Variants in NRG1 observed in about 807,000 individuals in gnomAD.
The protein encoded by NRG1 is neuregulin 1, also known as pro-neuregulin-1, membrane-bound isoform.
NRG1 carries 18 observed loss-of-function variants against 63.8 expected under a neutral mutation model. That is an observed-to-expected ratio of 0.28 (90% CI 0.19 to 0.42). The LOEUF (loss-of-function observed/expected upper bound fraction) is 0.42. Among genes scored for constraint, NRG1 ranks in the 10% least tolerant of loss-of-function variants. The pLI, the probability that NRG1 is intolerant of heterozygous loss-of-function variation, is 1.00. For missense variants in NRG1, 762 were observed against 814.7 expected (o/e 0.94, Z 0.79); for synonymous variants, 302 against 301.3 (o/e 1.00, Z -0.02).
intron 1 of NRG1, among the ~76,000 whole-genome samples, chr8:32,334,834 A>C (rs1288073411): frequency 6.6e-6 from 1 of 152,236 alleles, no homozygotes; most frequent in Non-Finnish European, 1.5e-5. Context: ...GGCAAATGTT[A>C]TGAATAACAA....
intron 5 of NRG1, among the ~76,000 whole-genome samples, chr8:32,634,118 A>AAAAAAAAAAAAAAAAAAAAAAATT: frequency 1.3e-4 from 19 of 150,070 alleles, no homozygotes; most frequent in African/African-American, 4.2e-4. Context: ...AAAAAAAAAA[A>AAAAAAAAAAAAAAAAAAAAAAATT]GGTTGCATAA....
intron 1 of NRG1, among the ~76,000 whole-genome samples, chr8:32,040,750 C>CATATATATATATATAT (rs71208164): frequency 0.13 from 6,260 of 48,538 alleles, 813 homozygotes; most frequent in East Asian, 0.46. Flanking sequence ...AATTTAGGCG[C>CATATATATATATATAT]ATATATATAT....
intron 1 of NRG1, among the ~76,000 whole-genome samples, chr8:32,500,424 G>A (rs544906846): frequency 1.3e-5 from 2 of 152,254 alleles, no homozygotes; most frequent in African/African-American, 2.4e-5. Flanking sequence ...AACCAGATAC[G>A]AGTCTTACTT....
intron 1 of NRG1, among the ~76,000 whole-genome samples, chr8:32,198,475 G>T (rs1158760439): frequency 6.6e-6 from 1 of 152,186 alleles, no homozygotes; most frequent in East Asian, 1.9e-4. Context: ...ACCATGCCTG[G>T]CCCAAGGGCA....
At chr8:32,088,848 T>C (rs1169432108) in intron 1 of NRG1, among the ~76,000 whole-genome samples, 2 of 152,038 alleles carry the variant, frequency 1.3e-5, no homozygotes, top group African/African-American at 4.8e-5. Flanking sequence ...CTCAGTCCTC[T>C]ATGTTAGAAA....
At chr8:32,132,954 C>A (rs1467420155) in intron 1 of NRG1, among the ~76,000 whole-genome samples, 2 of 151,684 alleles carry the variant, frequency 1.3e-5, no homozygotes, top group Non-Finnish European at 2.9e-5. Flanking sequence ...GGCCAGTCTT[C>A]CTTCCTTCCT....
At chr8:32,623,972 GAGATATAGATAT>G (rs199801213) in intron 5 of NRG1, among the ~76,000 whole-genome samples, 3 of 152,044 alleles carry the variant, frequency 2.0e-5, no homozygotes, top group African/African-American at 7.2e-5. Context: ...GTATGTGTAT[GAGATATAGATAT>G]AGATATAGAT....
intron 1 of NRG1, among the ~76,000 whole-genome samples, chr8:31,698,169 A>C (rs891521263): frequency 2.0e-5 from 3 of 152,012 alleles, no homozygotes; most frequent in Admixed American, 6.6e-5. Flanking sequence ...GAAAGGTATA[A>C]TATGCTTATA....
At chr8:31,966,228 A>G (rs778002451) in intron 1 of NRG1, among the ~76,000 whole-genome samples, 15 of 76,272 alleles carry the variant, frequency 2.0e-4, no homozygotes, top group Non-Finnish European at 3.3e-4. Flanking sequence ...CTTATGGTCA[A>G]TCTTGTGTTT....
rs907097722 is a variant in NRG1 at position 32,616,992 on chromosome 8, T to C, written c.502+107T>C. 7 of 845,356 alleles carry C rather than the reference T, an allele frequency of 8.3e-6. No individual in the cohort carries two copies. The African/African-American group carries it at 1.2e-4, about 14-fold the overall frequency. The allele number at this position is 845,356 out of a possible 1,614,324, so 52.4% of individuals were successfully genotyped here. A position where few individuals can be genotyped will look rare whatever the true frequency, so the allele number is the denominator to read the frequency against. On this transcript the variant is annotated intron_variant, in intron 5 of 11. Coordinates refer to ENST00000356819, the Ensembl canonical transcript of NRG1. ...TCTGCCCCTATTAAGGGTCAGAGTA[T>C]TGAGTTTGGCAATAGGTGGTATTTG...
intron 1 of NRG1, among the ~76,000 whole-genome samples, chr8:32,180,210 T>A (rs947647505): frequency 1.3e-5 from 2 of 152,172 alleles, no homozygotes; most frequent in Non-Finnish European, 2.9e-5. Flanking sequence ...AATCTTCGTT[T>A]CTCTTACACA....
upstream of NRG1, chr8:32,548,136 C>G: frequency 1.2e-6 from 1 of 826,346 alleles, no homozygotes. Context: ...CGCCCGGGAG[C>G]GCCGAGCCCA....
intron 1 of NRG1, among the ~76,000 whole-genome samples, chr8:31,784,392 G>A (rs1275035521): frequency 6.6e-6 from 1 of 152,138 alleles, no homozygotes; most frequent in African/African-American, 2.4e-5. Context: ...CTGTAGCATG[G>A]CAAAATAGCT....
At chr8:31,965,119 G>C (rs755515390) in intron 1 of NRG1, among the ~76,000 whole-genome samples, 7 of 152,042 alleles carry the variant, frequency 4.6e-5, no homozygotes, top group Non-Finnish European at 8.8e-5. Flanking sequence ...AAGGAATTAC[G>C]AACATTGTAT....
intron 1 of NRG1, among the ~76,000 whole-genome samples, chr8:32,302,503 G>A (rs1004955537): frequency 1.8e-4 from 28 of 151,870 alleles, no homozygotes; most frequent in African/African-American, 6.8e-4. Flanking sequence ...TTGCCACAGT[G>A]GTTTTATTTT....
chr8:32,595,962 C>A, exon 2 of NRG1: 3 of 1,612,134 alleles, frequency 1.9e-6, no homozygotes, highest in Non-Finnish European at 2.5e-6. Flanking sequence ...TGAATTGAAT[C>A]GAAAAAACAA....
chr8:31,909,991 C>G (rs1428601931), intron 1 of NRG1, among the ~76,000 whole-genome samples: 1 of 152,044 alleles, frequency 6.6e-6, no homozygotes, highest in Non-Finnish European at 1.5e-5. Flanking sequence ...GAAAATGGGC[C>G]ATTAAAATGC....
intron 5 of NRG1, among the ~76,000 whole-genome samples, chr8:32,639,300 G>C (rs1409396282): frequency 1.3e-5 from 2 of 152,138 alleles, no homozygotes; most frequent in African/African-American, 4.8e-5. Flanking sequence ...CAGCTACCTA[G>C]GAAGCCAAGA....
At chr8:31,983,820 A>G (rs1809583644) in intron 1 of NRG1, among the ~76,000 whole-genome samples, 1 of 152,118 alleles carries the variant, frequency 6.6e-6, no homozygotes, top group African/African-American at 2.4e-5. Flanking sequence ...GGAAGGATCA[A>G]AGAAGACAGT....
Sources: gnomAD v4.1 joint callset for allele counts (sites outside exome capture counted in the v4.1 genomes callset) on GRCh38, gnomAD v4.1.1 for gene constraint, MANE v1.5 for transcripts, NCBI Gene and HGNC (gene_info 2026-07-23, HGNC 2026-07-21) for gene names.